The following DYNC2I1 variants were observed in gnomAD, a reference collection of about 807,000 sequenced individuals.
DYNC2I1 encodes the protein dynein 2 intermediate chain 1.
A neutral mutation model predicts 133.4 loss-of-function variants in DYNC2I1; 89 were observed. The observed-to-expected ratio is 0.67, with a 90% confidence interval of 0.56 to 0.80. The LOEUF is 0.80. Ranked by LOEUF, DYNC2I1 falls within the 30% of genes least tolerant of loss-of-function variation. DYNC2I1 has a pLI of 0.00. For missense variants in DYNC2I1, 1,291 were observed against 1,314.5 expected, an observed-to-expected ratio of 0.98 and a Z score of 0.28; for synonymous variants, 504 against 484.3, an observed-to-expected ratio of 1.04 and a Z score of -0.54.
chr7:158,891,218 G>C (rs760897583), intron 7 of DYNC2I1, 47 bp from the exon 8 acceptor site: 1 of 1,607,954 alleles, frequency 6.2e-7, no homozygotes, highest in Non-Finnish European at 8.5e-7. Context: ...GTGTGCCCTG[G>C]AGTCCCACCT....
rs1585269346 is a variant in DYNC2I1, at chr7:158,945,797, A to G, written c.*18A>G. 1 of 1,511,136 alleles carries G rather than the reference A, an allele frequency of 6.6e-7. No individual in the cohort carries two copies. 93.6% of individuals were successfully genotyped at this position (1,511,136 alleles called of 1,614,324 possible). On this transcript the variant is annotated 3_prime_UTR_variant, in exon 25 of 25. Coordinates refer to ENST00000407559, the MANE Select transcript of DYNC2I1 (RefSeq NM_018051.5). This position sits in a 1 kb window ranked among gnomAD's most constrained non-coding sequence, Gnocchi z 4.1. ...ACAAGTAGCGGGTGTGGCTGAGAGG[A>G]CCGCGTTTCTGTAATGACCCAGATT... is the stretch of plus-strand genomic sequence containing the variant.
the DYNC2I1 span, among the ~76,000 whole-genome samples, chr7:158,849,321 G>A: frequency 7.2e-5 from 11 of 152,204 alleles, no homozygotes; most frequent in Admixed American, 2.0e-4. Flanking sequence ...GTATCTGACT[G>A]AGGAATGTTT....
downstream of DYNC2I1, among the ~76,000 whole-genome samples, chr7:158,950,652 C>A (rs1411712219): frequency 1.4e-5 from 2 of 141,986 alleles, no homozygotes; most frequent in African/African-American, 5.4e-5. Context: ...CTATACGATT[C>A]CAGGTGTTCT....
At chr7:158,943,876 A>T (rs1436479484) in intron 24 of DYNC2I1, among the ~76,000 whole-genome samples, 1 of 152,112 alleles carries the variant, frequency 6.6e-6, no homozygotes, top group Admixed American at 6.5e-5. Context: ...ACGCCGGGTC[A>T]ACCCTGTCCA....
At chr7:158,917,209 T>C (rs200720687) in intron 14 of DYNC2I1, among the ~76,000 whole-genome samples, 2 of 144,748 alleles carry the variant, frequency 1.4e-5, no homozygotes, top group East Asian at 3.9e-4. Flanking sequence ...GTCGACACGC[T>C]GGTTGAGATT....
At chr7:158,869,992 G>T in intron 2 of DYNC2I1, 84 bp downstream of exon 2, 1 of 1,205,966 alleles carries the variant, frequency 8.3e-7, no homozygotes, top group Non-Finnish European at 1.2e-6. Context: ...ACACAACACT[G>T]TATAACTTTG....
At chr7:158,843,856 GT>G in the DYNC2I1 span, among the ~76,000 whole-genome samples, 11 of 152,228 alleles carry the variant, frequency 7.2e-5, no homozygotes, top group Middle Eastern at 0.01. Flanking sequence ...TCCAAAGAGG[GT>G]TTTGGGAACT....
chr7:158,941,153 G>A (rs1851317956), intron 23 of DYNC2I1, among the ~76,000 whole-genome samples: 1 of 152,134 alleles, frequency 6.6e-6, no homozygotes, highest in African/African-American at 2.4e-5. Flanking sequence ...CAACAACTGA[G>A]CCCTCAGAAA....
At chr7:158,958,483 G>A (rs563567381), downstream of DYNC2I1, among the ~76,000 whole-genome samples, 119 of 152,324 alleles carry the variant, frequency 7.8e-4, 1 homozygote, top group African/African-American at 2.8e-3. Flanking sequence ...TGCTCGTCCT[G>A]GCATCTCCCC....
intron 11 of DYNC2I1, among the ~76,000 whole-genome samples, chr7:158,908,319 T>G (rs1327151235): frequency 6.6e-6 from 1 of 151,874 alleles, no homozygotes; most frequent in African/African-American, 2.4e-5. Context: ...GTGTAAATGG[T>G]TATTTCAGTG....
At chr7:158,942,740 G>A (rs1043668472) in intron 24 of DYNC2I1, among the ~76,000 whole-genome samples, 17 of 152,222 alleles carry the variant, frequency 1.1e-4, no homozygotes, top group African/African-American at 4.1e-4. Context: ...TGGAATTAAT[G>A]GTCCACATGA....
intron 1 of DYNC2I1, chr7:158,869,479 A>G (rs1842690306): frequency 2.1e-6 from 1 of 473,086 alleles, no homozygotes; most frequent in Non-Finnish European, 4.4e-6. Flanking sequence ...CTGTGTGCAC[A>G]GCATTTGGGA....
At chr7:158,931,507 C>T (rs967788038) in intron 21 of DYNC2I1, among the ~76,000 whole-genome samples, 4 of 152,236 alleles carry the variant, frequency 2.6e-5, no homozygotes. Flanking sequence ...GCCCCTGACC[C>T]CTCCAGCCTC....
chr7:158,947,723 C>G (rs961579032), downstream of DYNC2I1, among the ~76,000 whole-genome samples: 24 of 152,230 alleles, frequency 1.6e-4, no homozygotes, highest in African/African-American at 5.1e-4. Flanking sequence ...CTCACTCCCC[C>G]CTCTGAAGCC....
upstream of DYNC2I1, among the ~76,000 whole-genome samples, chr7:158,853,068 G>T (rs1446292093): frequency 2.0e-5 from 3 of 152,118 alleles, no homozygotes; most frequent in African/African-American, 7.2e-5. Flanking sequence ...TAAGTCTCTT[G>T]GCCATAGGGT....
intron 20 of DYNC2I1, among the ~76,000 whole-genome samples, 175 bp from the exon 21 acceptor site, chr7:158,930,280 C>G (rs147080165): frequency 3.9e-5 from 6 of 152,312 alleles, no homozygotes; most frequent in African/African-American, 1.4e-4. Context: ...TCTCCTAAGG[C>G]AGGATACGTG....
rs554623696 is a variant in DYNC2I1 at position 158,877,542 on chromosome 7, C to T, written c.573+851C>T. On this transcript the variant is annotated intron_variant, in intron 4 of 24. Coordinates refer to ENST00000407559, the MANE Select transcript of DYNC2I1 (RefSeq NM_018051.5). ...GTTGTAATTATTTATATCATCAGAG[C>T]ATAATTCCTTATGTCCTAAGCAGGA... 1.8e-4 allele frequency among the ~76,000 whole-genome samples: 27 copies of T among 152,292 alleles called. 1 individual carries two copies. The South Asian group carries it at 3.5e-3, about 20-fold the overall frequency.
downstream of DYNC2I1, among the ~76,000 whole-genome samples, chr7:158,947,211 C>T (rs531898563): frequency 2.6e-5 from 4 of 152,254 alleles, no homozygotes; most frequent in South Asian, 2.1e-4. Flanking sequence ...GACAGGCACG[C>T]GGCCTCTCTC....
chr7:158,904,997 A>G (rs563744697), intron 10 of DYNC2I1: 2 of 290,254 alleles, frequency 6.9e-6, no homozygotes, highest in East Asian at 1.0e-4. Flanking sequence ...TGCAGTAGAA[A>G]TAAATATACA....
Sources: gnomAD v4.1 joint callset for allele counts (sites outside exome capture counted in the v4.1 genomes callset) on GRCh38, gnomAD v4.1.1 for gene constraint, Gnocchi (gnomAD v3.1) non-coding constraint, MANE v1.5 for transcripts, NCBI Gene and HGNC (gene_info 2026-07-23, HGNC 2026-07-21) for gene names.